Variants in ALDH1A2 observed in about 807,000 individuals in gnomAD.
ALDH1A2 encodes the protein aldehyde dehydrogenase 1 family member A2.
Under a neutral mutation model 60.3 loss-of-function variants are expected in ALDH1A2, and 27 were observed. The observed-to-expected ratio is 0.45, with a 90% CI of 0.33 to 0.62. ALDH1A2 has a LOEUF of 0.62. Among genes scored for constraint, ALDH1A2 ranks in the 20% least tolerant of loss-of-function variants. ALDH1A2 has a pLI of 0.02. For synonymous variants in ALDH1A2, 289 were observed against 232.4 expected (o/e 1.24, Z -2.21); for missense variants, 581 against 643.8 (o/e 0.90, Z 1.06).
intron 1 of ALDH1A2, among the ~76,000 whole-genome samples, chr15:58,060,464 T>TAA (rs759100865): frequency 0.07 from 1,420 of 20,274 alleles, 9 homozygotes; most frequent in Middle Eastern, 0.17. Context: ...CACACATATC[T>TAA]TTTTTTTTTT....
chr15:58,019,949 A>C (rs768341959), intron 1 of ALDH1A2, among the ~76,000 whole-genome samples: 10 of 151,942 alleles, frequency 6.6e-5, no homozygotes, highest in Admixed American at 2.0e-4. Context: ...CCCCCCATGC[A>C]TTAGCTTTTT....
At position 58,010,939 on chromosome 15, in the gene ALDH1A2, C is replaced by T. The variant is rs4646590; in HGVS notation, c.364-161G>A. On this transcript the variant is annotated intron_variant, in intron 3 of 12. Coordinates refer to ENST00000249750, the MANE Select transcript of ALDH1A2 (RefSeq NM_003888.4). ...TCAAATAAAAAGATTTCTAGTACTG[C>T]CAGTTTGGTCTAGTTCCTAGTAAAA... Among the ~76,000 whole-genome samples the T allele has an allele frequency of 0.46, 69,331 of 152,058 alleles. 16,399 individuals carry two copies. Among genetic ancestry groups the T allele is most frequent in the Non-Finnish European group, 0.53 (36,196 of 67,978 alleles).
intron 1 of ALDH1A2, among the ~76,000 whole-genome samples, chr15:58,039,826 A>G (rs1273704908): frequency 6.6e-6 from 1 of 151,782 alleles, no homozygotes; most frequent in Non-Finnish European, 1.5e-5. Context: ...AAAGGAGAGG[A>G]AGTTGGCATG....
intron 1 of ALDH1A2, among the ~76,000 whole-genome samples, chr15:58,052,133 C>T (rs568136756): frequency 1.7e-4 from 26 of 152,196 alleles, no homozygotes; most frequent in East Asian, 1.4e-3. Context: ...ATTTATATAA[C>T]GAGAATCATT....
rs200159558 is a variant in ALDH1A2 at position 57,996,448 on chromosome 15, C to CT, written c.494-1310dup. Among the ~76,000 whole-genome samples, 108 of 147,046 alleles carry CT rather than the reference C, an allele frequency of 7.3e-4. 2 individuals carry two copies. The South Asian group carries it at 7.9e-3, about 11-fold the overall frequency. Reference sequence around the variant, plus strand: ...AGTATTTATAGGATCCTTTTATCCTCTTTTTTTTTATACAAACGGGATATT... The same window carrying CT: ...AGTATTTATAGGATCCTTTTATCCTCTTTTTTTTTTATACAAACGGGATATT... On this transcript the variant is annotated intron_variant, in intron 4 of 12. Transcript: ENST00000249750.
At chr15:58,062,318 G>A (rs770427675) in intron 1 of ALDH1A2, among the ~76,000 whole-genome samples, 1 of 152,082 alleles carries the variant, frequency 6.6e-6, no homozygotes, top group Non-Finnish European at 1.5e-5. Flanking sequence ...GAGGGAGGAA[G>A]GAAAGGAGAG....
At chr15:58,018,603 G>A (rs1340035630) in intron 1 of ALDH1A2, among the ~76,000 whole-genome samples, 3 of 152,134 alleles carry the variant, frequency 2.0e-5, no homozygotes, top group African/African-American at 7.2e-5. Flanking sequence ...ACTTTATGTT[G>A]GAGAAACTTG....
At chr15:57,990,374 A>T (rs1894853183) in intron 7 of ALDH1A2, 1 of 152,194 alleles carries the variant, frequency 6.6e-6, no homozygotes, top group South Asian at 2.1e-4. Flanking sequence ...TGGGTCTCCA[A>T]AGGTTTTTAT....
intron 1 of ALDH1A2, among the ~76,000 whole-genome samples, chr15:58,020,189 C>T (rs150356545): frequency 0.014 from 2,142 of 152,220 alleles, 24 homozygotes; most frequent in African/African-American, 0.033. Context: ...TAGTATTCCA[C>T]GGTGTATATG....
chr15:58,015,074 A>T (rs1895752873), intron 1 of ALDH1A2, among the ~76,000 whole-genome samples: 3 of 152,200 alleles, frequency 2.0e-5, no homozygotes, highest in Non-Finnish European at 4.4e-5. Flanking sequence ...AAAATTTTAA[A>T]TTCTTATTGA....
intron 1 of ALDH1A2, among the ~76,000 whole-genome samples, chr15:58,032,451 C>T (rs1012410958): frequency 6.6e-6 from 1 of 152,106 alleles, no homozygotes; most frequent in Non-Finnish European, 1.5e-5. Flanking sequence ...CACATGTATA[C>T]ATATGTAACA....
chr15:57,955,734 A>C (rs1321338259), intron 12 of ALDH1A2, among the ~76,000 whole-genome samples: 1 of 140,916 alleles, frequency 7.1e-6, no homozygotes, highest in African/African-American at 2.6e-5. Context: ...GTTCTTTGGG[A>C]CAGTAGTGTG....
At chr15:57,975,494 C>G (rs576866326) in intron 7 of ALDH1A2, among the ~76,000 whole-genome samples, 1 of 152,130 alleles carries the variant, frequency 6.6e-6, no homozygotes, top group Non-Finnish European at 1.5e-5. Context: ...GTTGAGCACC[C>G]CGATCTGGAA....
Position 58,065,605 on chromosome 15 carries a change from G to A in ALDH1A2, c.46C>T (p.Pro16Ser). 1.2e-6 allele frequency: 2 copies of A among 1,611,300 alleles called. No homozygotes were observed. Among genetic ancestry groups the A allele is most frequent in the Admixed American group, 1.7e-5 (1 of 59,778 alleles). The change falls in exon 1 of 13, where the codon CCC (proline) becomes TCC (serine). Residue 16 changes from proline (P) to serine (S), a missense_variant. By Grantham distance (74) the Pro-to-Ser change is moderately conservative (BLOSUM62 -1). Around this residue, in one of 2 missense-constraint regions of ALDH1A2, gnomAD observed 206 missense variants for 174.1 expected, o/e 1.18. Coordinates refer to ENST00000249750, the MANE Select transcript of ALDH1A2 (RefSeq NM_003888.4). ...TGCAGCGACGCCATGAGGGCGGCGGGGTCGGCCTTCACCTCGCCGGGCATC... is the reference window on the plus strand; with the variant it reads ...TGCAGCGACGCCATGAGGGCGGCGGAGTCGGCCTTCACCTCGCCGGGCATC... ...IEMPGEVKAD[P>S]AALMASLHLL... is the part of the protein sequence containing the mutation.
intron 7 of ALDH1A2, chr15:57,980,494 C>T (rs937205594): frequency 1.8e-5 from 5 of 279,104 alleles, no homozygotes; most frequent in African/African-American, 6.7e-5. Flanking sequence ...TCAGGCTCTT[C>T]TGGAAGTCAG....
intron 4 of ALDH1A2, among the ~76,000 whole-genome samples, chr15:58,000,768 AC>A (rs1895238050): frequency 6.6e-6 from 1 of 151,888 alleles, no homozygotes; most frequent in African/African-American, 2.4e-5. Context: ...TTCTGAATCA[AC>A]AGGTCTAGGA....
chr15:57,992,646 G>C, intron 7 of ALDH1A2, 59 bp downstream of exon 7: 2 of 1,494,628 alleles, frequency 1.3e-6, no homozygotes, highest in African/African-American at 2.8e-5. Flanking sequence ...TATTGTTTTT[G>C]TAACCCCTCA....
chr15:58,061,610 C>CAAAAAAAAAAAAAAAAAAAAAAAAAAAA, intron 1 of ALDH1A2, among the ~76,000 whole-genome samples: 1 of 100,328 alleles, frequency 1.0e-5, no homozygotes. Flanking sequence ...AAAAAAAAAA[C>CAAAAAAAAAAAAAAAAAAAAAAAAAAAA]AAAAAAAAAA....
At position 58,026,065 on chromosome 15, in the gene ALDH1A2, A is replaced by C. The variant is rs114576790; in HGVS notation, c.118-11784T>G. On this transcript the variant is annotated intron_variant, in intron 1 of 12. Coordinates refer to ENST00000249750, the MANE Select transcript of ALDH1A2 (RefSeq NM_003888.4). ...AAACCATATCAAGGGAATTCTCTCT[A>C]AATCATTCTATAAGGCTAGCATCAC... is the stretch of plus-strand genomic sequence containing the variant. 5.2e-3 allele frequency among the ~76,000 whole-genome samples: 786 copies of C among 152,304 alleles called. 12 individuals carry two copies. The highest frequency in any genetic ancestry group is 0.018 in the African/African-American group (749 of 41,556).
Sources: gnomAD v4.1 joint callset for allele counts (sites outside exome capture counted in the v4.1 genomes callset) on GRCh38, gnomAD v4.1.1 for gene constraint, gnomAD v4.1.1 regional missense constraint, MANE v1.5 for transcripts, NCBI Gene and HGNC (gene_info 2026-07-23, HGNC 2026-07-21) for gene names.